The following TLK1 variants were observed in gnomAD, a reference collection of about 807,000 sequenced individuals.
TLK1 encodes the protein serine/threonine-protein kinase tousled-like 1.
In TLK1, 24 loss-of-function variants were observed where a neutral mutation model predicts 105.3. The observed-to-expected ratio is 0.23, with a 90% CI of 0.17 to 0.32. The LOEUF (loss-of-function observed/expected upper bound fraction) is 0.32, where lower values mean the gene tolerates loss of function less well. TLK1 is among the 10% of genes least tolerant of loss of function. The pLI, the probability that TLK1 is intolerant of heterozygous loss-of-function variation, is 1.00. For missense variants in TLK1, 558 were observed against 910.5 expected (o/e 0.61, Z 4.98); for synonymous variants, 321 against 310.4 (o/e 1.03, Z -0.36).
chr2:171,132,375 G>A (rs1208074303), intron 1 of TLK1, among the ~76,000 whole-genome samples: 1 of 152,032 alleles, frequency 6.6e-6, no homozygotes, highest in African/African-American at 2.4e-5. Flanking sequence ...AATTCAAGAT[G>A]AGATTTGGAT....
intron 2 of TLK1, among the ~76,000 whole-genome samples, chr2:171,111,505 A>G (rs28740798): frequency 2.0e-5 from 3 of 150,784 alleles, no homozygotes; most frequent in Non-Finnish European, 4.4e-5. Flanking sequence ...GGACTGCTTG[A>G]GCCTGGGAGG....
chr2:171,027,647 C>T (rs1287978798), intron 12 of TLK1, among the ~76,000 whole-genome samples: 3 of 152,152 alleles, frequency 2.0e-5, no homozygotes, highest in Admixed American at 2.0e-4. Context: ...TTTACAATTG[C>T]TATTTTATTA....
At chr2:171,132,933 C>T (rs190927260) in intron 1 of TLK1, among the ~76,000 whole-genome samples, 4 of 152,148 alleles carry the variant, frequency 2.6e-5, no homozygotes, top group Non-Finnish European at 4.4e-5. Context: ...GCAACGATTT[C>T]TTTATTTGTA....
intron 1 of TLK1, among the ~76,000 whole-genome samples, chr2:171,190,537 C>T (rs947970363): frequency 6.6e-6 from 1 of 152,170 alleles, no homozygotes; most frequent in African/African-American, 2.4e-5. Flanking sequence ...TAAAATTTTA[C>T]ATGACATTTC....
chr2:171,132,185 C>G (rs1451161559), intron 1 of TLK1, among the ~76,000 whole-genome samples: 1 of 152,178 alleles, frequency 6.6e-6, no homozygotes. Context: ...CCAAAGGCAC[C>G]TCTTCACAGA....
In TLK1 at chr2:170,993,488, A is replaced by C. The variant is rs1683882553; in HGVS notation, c.*292T>G. Reference sequence around the variant, plus strand: ...TTACAGTGTTCCCCCAAATAAACAAAATTTTTTTCCTCTATCTTAACATGG... The same window carrying C: ...TTACAGTGTTCCCCCAAATAAACAACATTTTTTTCCTCTATCTTAACATGG... On this transcript the variant is annotated 3_prime_UTR_variant, in exon 21 of 21. Coordinates refer to ENST00000431350, the MANE Select transcript of TLK1 (RefSeq NM_012290.5). 3.8e-6 allele frequency: 1 copy of C among 260,014 alleles called. No homozygotes were observed. Among genetic ancestry groups the C allele is most frequent in the Non-Finnish European group, 7.1e-6 (1 of 140,136 alleles). The allele number at this position is 260,014 out of a possible 1,614,324, so 16.1% of individuals were successfully genotyped here.
At chr2:171,187,057 CAAAAAAA>C (rs71013019) in intron 1 of TLK1, among the ~76,000 whole-genome samples, 13 of 34,058 alleles carry the variant, frequency 3.8e-4, no homozygotes, top group Admixed American at 2.0e-3. Context: ...GACTCTGTCT[CAAAAAAA>C]AAAAAAAAAA....
intron 5 of TLK1, among the ~76,000 whole-genome samples, chr2:171,057,515 T>C (rs988175826): frequency 1.3e-5 from 2 of 152,060 alleles, no homozygotes; most frequent in African/African-American, 4.8e-5. Flanking sequence ...AGGTATCTCA[T>C]GGTCAGCAAC....
chr2:171,074,073 T>C (rs750671236), intron 3 of TLK1, among the ~76,000 whole-genome samples: 13 of 152,008 alleles, frequency 8.6e-5, no homozygotes, highest in Admixed American at 6.6e-4. Context: ...GTATTTTTAG[T>C]AGAGATGGGG....
chr2:171,077,672 G>A (rs1037000318), intron 3 of TLK1, among the ~76,000 whole-genome samples: 26 of 152,228 alleles, frequency 1.7e-4, no homozygotes, highest in Admixed American at 1.6e-3. Context: ...GGATCCCTCT[G>A]TAACTTTTAA....
chr2:171,137,589 C>T (rs557693238), intron 1 of TLK1, among the ~76,000 whole-genome samples: 18 of 152,252 alleles, frequency 1.2e-4, no homozygotes, highest in Admixed American at 4.6e-4. Flanking sequence ...TGGCTCACGT[C>T]TGTAATCCTA....
chr2:171,185,371 T>C (rs1337030939), intron 1 of TLK1, among the ~76,000 whole-genome samples: 3 of 152,170 alleles, frequency 2.0e-5, no homozygotes, highest in Non-Finnish European at 4.4e-5. Flanking sequence ...GAGTCCTTCA[T>C]GGCTACCCTT....
intron 6 of TLK1, among the ~76,000 whole-genome samples, chr2:171,055,527 G>GA (rs1687461285): frequency 6.6e-6 from 1 of 151,634 alleles, no homozygotes; most frequent in Admixed American, 6.6e-5. Flanking sequence ...TATGATAGTT[G>GA]AAAAAACAAA....
At chr2:171,020,994 A>G (rs970021657) in intron 12 of TLK1, among the ~76,000 whole-genome samples, 1 of 152,178 alleles carries the variant, frequency 6.6e-6, no homozygotes, top group African/African-American at 2.4e-5. Flanking sequence ...ACTAGCTTAG[A>G]TAATTAACTT....
chr2:171,188,873 TAAAA>T (rs35406910), intron 1 of TLK1, among the ~76,000 whole-genome samples: 1 of 125,526 alleles, frequency 8.0e-6, no homozygotes, highest in Admixed American at 8.1e-5. Flanking sequence ...AGATTCTGTC[TAAAA>T]AAAAAAAAAA....
chr2:171,214,740 T>C (rs1693682034), intron 1 of TLK1, among the ~76,000 whole-genome samples: 2 of 152,250 alleles, frequency 1.3e-5, no homozygotes, highest in South Asian at 4.1e-4. Flanking sequence ...CCCTGGAATT[T>C]AGTAATTAAT....
At chr2:171,033,304 AAAC>A (rs573744572) in intron 11 of TLK1, among the ~76,000 whole-genome samples, 5 of 152,298 alleles carry the variant, frequency 3.3e-5, no homozygotes, top group Middle Eastern at 3.4e-3. Flanking sequence ...CCAAAAGCAT[AAAC>A]AACAACAGTA....
intron 11 of TLK1, among the ~76,000 whole-genome samples, chr2:171,036,019 T>C (rs1242738940): frequency 1.3e-5 from 2 of 152,242 alleles, no homozygotes; most frequent in Admixed American, 6.5e-5. Flanking sequence ...TTTGTGTGAT[T>C]TGTTACAGCA....
chr2:171,159,542 T>C (rs962613514), intron 1 of TLK1: 1 of 152,202 alleles, frequency 6.6e-6, no homozygotes, highest in African/African-American at 2.4e-5. Context: ...TACGCAGATA[T>C]TTCCCACAAA....
Sources: allele counts gnomAD v4.1 joint callset (sites outside exome capture counted in the v4.1 genomes callset), GRCh38; gene constraint gnomAD v4.1.1; transcripts MANE v1.5; gene names NCBI Gene and HGNC (gene_info 2026-07-23, HGNC 2026-07-21).